GTF2F2: variants seen among roughly 807,000 people sequenced by gnomAD.
GTF2F2 encodes general transcription factor IIF subunit 2, also known as ATP-dependent helicase GTF2F2.
Under a neutral mutation model 42.2 loss-of-function variants are expected in GTF2F2, and 23 were observed. The ratio of observed to expected loss-of-function variants is 0.55; its 90% CI spans 0.39 to 0.77. The LOEUF is 0.77. Among genes scored for constraint, GTF2F2 ranks in the 30% least tolerant of loss-of-function variants. GTF2F2 has a pLI of 0.00. For synonymous variants in GTF2F2, 105 were observed against 100.8 expected, an observed-to-expected ratio of 1.04 and a Z score of -0.25; for missense variants, 261 against 287.2, an observed-to-expected ratio of 0.91 and a Z score of 0.66.
intron 4 of GTF2F2, among the ~76,000 whole-genome samples, chr13:45,205,974 C>G (rs1465048483): frequency 1.3e-5 from 2 of 152,062 alleles, no homozygotes; most frequent in Admixed American, 6.6e-5. Flanking sequence ...AAGAGCCAAA[C>G]TTGAATATAA....
At position 45,248,471 on chromosome 13, in the gene GTF2F2, G is replaced by C. The variant is rs973983458; in HGVS notation, c.387-4400G>C. On this transcript the variant is annotated intron_variant, in intron 5 of 7. Transcript: ENST00000340473. ...TTGTTTTTGTGTGTTTTGTTTTTTT[G>C]GTTTTTGTTTTTTGTTTTTGAGACG... Among the ~76,000 whole-genome samples, 5 of 150,628 alleles carry C rather than the reference G, an allele frequency of 3.3e-5. No homozygotes were observed. In the East Asian group the frequency reaches 9.7e-4, roughly 29 times the overall value.
intron 4 of GTF2F2, among the ~76,000 whole-genome samples, chr13:45,177,335 A>G (rs9534054): frequency 0.028 from 4,243 of 151,892 alleles, 81 homozygotes; most frequent in Middle Eastern, 0.065. Context: ...TCCCCTTACC[A>G]CCTCCCATCT....
chr13:45,260,495 T>G (rs1234986636), intron 6 of GTF2F2, among the ~76,000 whole-genome samples: 1 of 152,204 alleles, frequency 6.6e-6, no homozygotes, highest in Non-Finnish European at 1.5e-5. Context: ...AACCATGATA[T>G]TCAAAGCTGT....
chr13:45,267,810 A>ATTTT (rs201281124), intron 7 of GTF2F2, among the ~76,000 whole-genome samples: 1 of 121,760 alleles, frequency 8.2e-6, no homozygotes, highest in Non-Finnish European at 1.8e-5. Context: ...TTTTCTGTGG[A>ATTTT]TTTTTTTTTT....
intron 5 of GTF2F2, among the ~76,000 whole-genome samples, chr13:45,224,945 G>C (rs1874267978): frequency 6.6e-6 from 1 of 152,210 alleles, no homozygotes; most frequent in Non-Finnish European, 1.5e-5. Flanking sequence ...CACTGTCCCT[G>C]CAGTGAATAA....
At chr13:45,144,591 G>A (rs1256544005) in intron 2 of GTF2F2, among the ~76,000 whole-genome samples, 4 of 149,648 alleles carry the variant, frequency 2.7e-5, no homozygotes, top group Admixed American at 6.7e-5. Context: ...ACAGGCGCCC[G>A]CCACCACGAC....
intron 7 of GTF2F2, among the ~76,000 whole-genome samples, chr13:45,273,098 G>T (rs533703254): frequency 6.6e-6 from 1 of 151,330 alleles, no homozygotes; most frequent in Non-Finnish European, 1.5e-5. Context: ...GCTAATTTTC[G>T]TATTTTTTTA....
rs1175431015 is a variant in GTF2F2, at chr13:45,181,179, AACAAACAAAC to A, written c.305-26243_305-26234del. On this transcript the variant is annotated intron_variant, in intron 4 of 7. Coordinates refer to ENST00000340473, the MANE Select transcript of GTF2F2 (RefSeq NM_004128.3). ...GAGACCCTGTCTCAAAAGACAAAAA[AACAAACAAAC>A]AAAAAAAAAAAAAACCAGAAAAACC... Among the ~76,000 whole-genome samples the A allele has an allele frequency of 3.1e-4, 41 of 132,108 alleles. 2 individuals are homozygous for A. Among genetic ancestry groups the A allele is most frequent in the African/African-American group, 1.6e-3 (39 of 24,972 alleles). 86.7% of individuals were successfully genotyped at this position (132,108 alleles called of 152,430 possible).
intron 5 of GTF2F2, among the ~76,000 whole-genome samples, chr13:45,230,077 G>C (rs1039763352): frequency 2.0e-5 from 3 of 152,024 alleles, no homozygotes; most frequent in Non-Finnish European, 2.9e-5. Flanking sequence ...TTAGCCGGAC[G>C]TGGTGGCACA....
chr13:45,195,771 A>G (rs1402401045), intron 4 of GTF2F2, among the ~76,000 whole-genome samples: 1 of 152,190 alleles, frequency 6.6e-6, no homozygotes, highest in African/African-American at 2.4e-5. Context: ...TATTTGGCCT[A>G]TCTGCTAAAT....
intron 5 of GTF2F2, among the ~76,000 whole-genome samples, chr13:45,215,132 G>A (rs1386704478): frequency 6.6e-6 from 1 of 152,168 alleles, no homozygotes; most frequent in Non-Finnish European, 1.5e-5. Context: ...AACTACTTGA[G>A]CACTGGCATG....
intron 1 of GTF2F2, among the ~76,000 whole-genome samples, chr13:45,130,573 A>G (rs1869293187): frequency 6.6e-6 from 1 of 152,124 alleles, no homozygotes; most frequent in African/African-American, 2.4e-5. Context: ...GGGCTAGGGT[A>G]GTAACTCGAG....
chr13:45,212,151 A>G (rs1873676457), intron 5 of GTF2F2, among the ~76,000 whole-genome samples: 2 of 152,202 alleles, frequency 1.3e-5, no homozygotes, highest in South Asian at 4.1e-4. Context: ...GTGTTTGAGA[A>G]CAGAATTGGT....
At chr13:45,198,936 C>T (rs1873038720) in intron 4 of GTF2F2, among the ~76,000 whole-genome samples, 1 of 152,078 alleles carries the variant, frequency 6.6e-6, no homozygotes, top group African/African-American at 2.4e-5. Flanking sequence ...AAGGATTTTC[C>T]CATGTTAATG....
intron 4 of GTF2F2, among the ~76,000 whole-genome samples, chr13:45,195,781 T>C (rs1406078536): frequency 2.0e-5 from 3 of 152,184 alleles, no homozygotes; most frequent in Non-Finnish European, 4.4e-5. Flanking sequence ...ATCTGCTAAA[T>C]TATTCTGGGA....
intron 7 of GTF2F2, among the ~76,000 whole-genome samples, chr13:45,269,041 A>G (rs1245555699): frequency 2.0e-5 from 3 of 152,158 alleles, no homozygotes; most frequent in Non-Finnish European, 2.9e-5. Flanking sequence ...TGTTCTGGGG[A>G]ACATATCATC....
chr13:45,271,257 C>A (rs1243788681), intron 7 of GTF2F2, among the ~76,000 whole-genome samples: 2 of 151,560 alleles, frequency 1.3e-5, no homozygotes, highest in Non-Finnish European at 2.9e-5. Flanking sequence ...CGCCACTGCA[C>A]TCCAGCCTGA....
chr13:45,230,386 T>A (rs1399844735), intron 5 of GTF2F2, among the ~76,000 whole-genome samples: 1 of 152,130 alleles, frequency 6.6e-6, no homozygotes, highest in Non-Finnish European at 1.5e-5. Flanking sequence ...ATCTTTTGTG[T>A]GGTGGTGTGC....
chr13:45,186,743 C>T (rs1872444612), intron 4 of GTF2F2, among the ~76,000 whole-genome samples: 1 of 152,116 alleles, frequency 6.6e-6, no homozygotes, highest in Non-Finnish European at 1.5e-5. Context: ...TATCACTCAA[C>T]ATTTTTTAAG....
Sources: allele counts gnomAD v4.1 joint callset (sites outside exome capture counted in the v4.1 genomes callset), GRCh38; gene constraint gnomAD v4.1.1; transcripts MANE v1.5; gene names NCBI Gene and HGNC (gene_info 2026-07-23, HGNC 2026-07-21).